Variants in GNA12 observed in about 807,000 individuals in gnomAD.
GNA12 encodes the protein G protein subunit alpha 12, also known as guanine nucleotide-binding protein subunit alpha-12.
GNA12 carries 9 observed loss-of-function variants against 26.0 expected under a neutral mutation model. That is an observed-to-expected ratio of 0.35 (90% CI 0.21 to 0.60). The LOEUF (loss-of-function observed/expected upper bound fraction) is 0.60, where lower values mean the gene tolerates loss of function less well. GNA12 is among the 20% of genes least tolerant of loss of function. The probability of loss-of-function intolerance (pLI) is 0.78; values close to 1 mark genes in which losing one functional copy is unlikely to be tolerated. For missense variants in GNA12, 405 were observed against 525.8 expected, an observed-to-expected ratio of 0.77 and a Z score of 2.25; for synonymous variants, 264 against 219.6, an observed-to-expected ratio of 1.20 and a Z score of -1.79.
chr7:2,771,539 A>C (rs759635811), intron 2 of GNA12, among the ~76,000 whole-genome samples: 2 of 152,046 alleles, frequency 1.3e-5, no homozygotes, highest in Non-Finnish European at 2.9e-5. Flanking sequence ...TTCTCATGTA[A>C]GTCAGATCTT....
chr7:2,766,127 C>T (rs1231567353), intron 2 of GNA12, among the ~76,000 whole-genome samples: 1 of 152,192 alleles, frequency 6.6e-6, no homozygotes, highest in Non-Finnish European at 1.5e-5. Context: ...CCATTTCCCC[C>T]CATCTGCCCA....
At chr7:2,747,625 C>T (rs550983985) in intron 2 of GNA12, among the ~76,000 whole-genome samples, 27 of 152,294 alleles carry the variant, frequency 1.8e-4, no homozygotes, top group African/African-American at 6.3e-4. Flanking sequence ...CAGGGATGCC[C>T]TCTCTCACCA....
intron 2 of GNA12, among the ~76,000 whole-genome samples, chr7:2,774,187 C>G (rs74841109): frequency 0.032 from 4,862 of 152,226 alleles, 215 homozygotes; most frequent in African/African-American, 0.092. Context: ...GTCACACAAT[C>G]TGCTCAGTTT....
chr7:2,746,191 C>T (rs1347802866), intron 2 of GNA12, among the ~76,000 whole-genome samples: 1 of 152,190 alleles, frequency 6.6e-6, no homozygotes, highest in African/African-American at 2.4e-5. Flanking sequence ...CTACGGAACT[C>T]TCCACCCCAA....
chr7:2,783,649 CATTTATTTATTTATTTATTT>C (rs60404277), intron 2 of GNA12, among the ~76,000 whole-genome samples: 22,824 of 138,616 alleles, frequency 0.16, 2,165 homozygotes, highest in African/African-American at 0.24. Flanking sequence ...GGCTGTAACA[CATTTATTTATTTATTTATTT>C]ATTTATTTAT....
intron 2 of GNA12, among the ~76,000 whole-genome samples, chr7:2,790,812 G>A (rs1054179052): frequency 3.3e-5 from 5 of 152,048 alleles, no homozygotes; most frequent in African/African-American, 1.2e-4. Context: ...CTATGAAAAA[G>A]AAAAAGTAAA....
At chr7:2,815,845 A>G (rs1793206398) in intron 1 of GNA12, among the ~76,000 whole-genome samples, 1 of 132,904 alleles carries the variant, frequency 7.5e-6, no homozygotes, top group African/African-American at 2.8e-5. Flanking sequence ...ATTTCCCATC[A>G]CTCCTCTGCT....
chr7:2,788,859 T>A (rs1314950167), intron 2 of GNA12, among the ~76,000 whole-genome samples: 1 of 152,180 alleles, frequency 6.6e-6, no homozygotes, highest in African/African-American at 2.4e-5. Flanking sequence ...ACACACACGT[T>A]GCACAGGCTG....
Position 2,774,494 on chromosome 7 carries a change from C to A in GNA12, c.525+20434G>T, listed in dbSNP as rs192738706. On this transcript the variant is annotated intron_variant, in intron 2 of 3. Coordinates refer to ENST00000275364, the MANE Select transcript of GNA12 (RefSeq NM_007353.3). ...AAGGGCCCTGATGGCGCTGGGAGGC[C>A]CTGAGTGTGCAGGGAGCAGCAGGAA... Among the ~76,000 whole-genome samples, 512 of 152,132 alleles carry A rather than the reference C, an allele frequency of 3.4e-3. 2 individuals are homozygous for A. The highest frequency in any genetic ancestry group is 4.6e-3 in the Non-Finnish European group (315 of 67,994).
At chr7:2,789,462 A>T (rs976969169) in intron 2 of GNA12, among the ~76,000 whole-genome samples, 5 of 152,144 alleles carry the variant, frequency 3.3e-5, no homozygotes, top group African/African-American at 1.2e-4. Context: ...CATGAGTCAC[A>T]GTGATTTCTG....
intron 1 of GNA12, among the ~76,000 whole-genome samples, chr7:2,813,416 C>A (rs1793133180): frequency 6.6e-6 from 1 of 152,186 alleles, no homozygotes; most frequent in Non-Finnish European, 1.5e-5. Flanking sequence ...CCTCCTACCT[C>A]CCCTTCCCCA....
intron 2 of GNA12, among the ~76,000 whole-genome samples, chr7:2,787,548 A>C (rs111639003): frequency 3.8e-4 from 58 of 152,170 alleles, no homozygotes; most frequent in African/African-American, 1.3e-3. Flanking sequence ...CCCTTCCCCC[A>C]GGCACCCACC....
At chr7:2,754,074 T>C in intron 2 of GNA12, among the ~76,000 whole-genome samples, 1 of 152,220 alleles carries the variant, frequency 6.6e-6, no homozygotes, top group East Asian at 1.9e-4. Context: ...TTGTACCCTT[T>C]TACCTCCCCA....
chr7:2,783,726 C>T (rs1039371604), intron 2 of GNA12, among the ~76,000 whole-genome samples: 1 of 148,516 alleles, frequency 6.7e-6, no homozygotes, highest in East Asian at 2.0e-4. Context: ...GCTCTGTCCC[C>T]CAGGTTGGAG....
chr7:2,729,587 T>A lies in GNA12; in HGVS notation c.*1594A>T, dbSNP rs950185949. ...TTCCCCTCCCTCTTCTGCTTCTGCA[T>A]CTGCCCCAAGGGCTTGCGTTTACCG... On this transcript the variant is annotated 3_prime_UTR_variant, in exon 4 of 4. Transcript: ENST00000275364. 2.6e-5 allele frequency: 4 copies of A among 152,364 alleles called. No homozygotes were observed. Among genetic ancestry groups the A allele is most frequent in the African/African-American group, 7.2e-5 (3 of 41,460 alleles). The allele number at this position is 152,364 out of a possible 1,614,324, so 9.4% of individuals were successfully genotyped here. A position where few individuals can be genotyped will look rare whatever the true frequency, so the allele number is the denominator to read the frequency against.
chr7:2,843,155 T>C (rs1779049510), intron 1 of GNA12, among the ~76,000 whole-genome samples: 1 of 151,762 alleles, frequency 6.6e-6, no homozygotes, highest in Non-Finnish European at 1.5e-5. Flanking sequence ...CCGTCCAGTC[T>C]CCACTGCTCT....
At chr7:2,833,843 CTT>C (rs1300883557) in intron 1 of GNA12, among the ~76,000 whole-genome samples, 11 of 152,152 alleles carry the variant, frequency 7.2e-5, no homozygotes, top group Non-Finnish European at 1.6e-4. Context: ...GACAGAGACT[CTT>C]AAAGGCCAGA....
intron 2 of GNA12, among the ~76,000 whole-genome samples, chr7:2,758,499 C>T (rs914761570): frequency 2.0e-5 from 3 of 152,070 alleles, no homozygotes; most frequent in African/African-American, 4.8e-5. Context: ...TCCCCTGCAG[C>T]GTGGGAGGAA....
chr7:2,744,865 GA>G (rs1248984912), intron 2 of GNA12, among the ~76,000 whole-genome samples: 3 of 152,230 alleles, frequency 2.0e-5, no homozygotes, highest in Non-Finnish European at 2.9e-5. Flanking sequence ...AGAACTACCT[GA>G]GGAATGCAGA....
Sources: gnomAD v4.1 joint callset for allele counts (sites outside exome capture counted in the v4.1 genomes callset) on GRCh38, gnomAD v4.1.1 for gene constraint, MANE v1.5 for transcripts, NCBI Gene and HGNC (gene_info 2026-07-23, HGNC 2026-07-21) for gene names.